Variants in CHPT1 observed in about 807,000 individuals in gnomAD.
The protein encoded by CHPT1 is choline phosphotransferase 1.
A neutral mutation model predicts 47.6 loss-of-function variants in CHPT1; 36 were observed. The observed-to-expected ratio is 0.76, with a 90% CI of 0.58 to 1.00. The LOEUF (loss-of-function observed/expected upper bound fraction) is 1.00, where lower values mean the gene tolerates loss of function less well. Ranked by LOEUF, CHPT1 falls within the 50% of genes least tolerant of loss-of-function variation. CHPT1 has a pLI of 0.00. For missense variants in CHPT1, 458 were observed against 498.1 expected (o/e 0.92, Z 0.77); for synonymous variants, 194 against 186.3 (o/e 1.04, Z -0.33).
At chr12:101,717,250 T>C (rs1298178434) in intron 4 of CHPT1, 1 of 454,476 alleles carries the variant, frequency 2.2e-6, no homozygotes. Context: ...AAGATTCCCA[T>C]ATTAAGGAAT....
At chr12:101,700,318 CAT>C (rs72061029) in intron 1 of CHPT1, among the ~76,000 whole-genome samples, 27,193 of 116,110 alleles carry the variant, frequency 0.23, 4,307 homozygotes, top group African/African-American at 0.46. Flanking sequence ...GGATCAGCCT[CAT>C]GTGAAAAAAA....
intron 1 of CHPT1, among the ~76,000 whole-genome samples, chr12:101,702,316 G>C (rs141638658): frequency 6.6e-6 from 1 of 152,122 alleles, no homozygotes; most frequent in Non-Finnish European, 1.5e-5. Context: ...ATCCATGTCA[G>C]TGTCTTTATT....
Position 101,728,888 on chromosome 12 carries a change from T to G in CHPT1, c.1177-13T>G. ...CTTCTTAGCTAACGTTATAATTGTA[T>G]CATATTACTTAGGTTCAAGTTCTTT... is the stretch of plus-strand genomic sequence containing the variant. On this transcript the variant is annotated splice_polypyrimidine_tract_variant and intron_variant, in intron 8 of 8. Coordinates refer to ENST00000229266, the MANE Select transcript of CHPT1 (RefSeq NM_020244.3). 1 of 1,612,710 alleles carries G rather than the reference T, an allele frequency of 6.2e-7. No homozygotes were observed.
rs768456280 is a variant in CHPT1, at chr12:101,723,820, C to A, written c.1038C>A (p.Asp346Glu). Residue 346 changes from aspartate to glutamate, a missense_variant, in exon 7 of 9, where the codon GAC (aspartate) becomes GAA (glutamate). Physicochemically the swap from Asp to Glu is conservative, Grantham distance 45. Coordinates refer to ENST00000229266, the MANE Select transcript of CHPT1 (RefSeq NM_020244.3). ...ACCAGTACTTTAATAACTTTATAGA[C>A]GAATATGTTGTTCTATGGATGGCAA... ...FLDQYFNNFI[D>E]EYVVLWMAMV... 1 of 1,524,166 alleles carries A rather than the reference C, an allele frequency of 6.6e-7. No homozygotes were observed. Among genetic ancestry groups the A allele is most frequent in the South Asian group, 1.2e-5 (1 of 86,444 alleles). The allele number at this position is 1,524,166 out of a possible 1,614,324, so 94.4% of individuals were successfully genotyped here.
At chr12:101,714,879 A>G in intron 3 of CHPT1, 1 of 348,080 alleles carries the variant, frequency 2.9e-6, no homozygotes, top group East Asian at 5.2e-5. Context: ...CAACTTAATC[A>G]TTAGCCCAAG....
At chr12:101,705,177 C>G (rs185398458) in intron 1 of CHPT1, among the ~76,000 whole-genome samples, 2 of 136,320 alleles carry the variant, frequency 1.5e-5, no homozygotes, top group African/African-American at 6.8e-5. Flanking sequence ...GATCCTCCCC[C>G]CTCAGCCTCC....
chr12:101,702,288 C>T (rs959654893), intron 1 of CHPT1, among the ~76,000 whole-genome samples: 1 of 152,116 alleles, frequency 6.6e-6, no homozygotes, highest in African/African-American at 2.4e-5. Context: ...GCCCTGTCTT[C>T]GTGATCTGTG....
intron 4 of CHPT1, among the ~76,000 whole-genome samples, chr12:101,717,570 A>C (rs1782191886): frequency 6.6e-6 from 1 of 151,948 alleles, no homozygotes; most frequent in African/African-American, 2.4e-5. Context: ...TAAAATAGAT[A>C]TTATTAGTAT....
chr12:101,719,889 C>A (rs1951822058), intron 4 of CHPT1: 1 of 234,834 alleles, frequency 4.3e-6, no homozygotes, highest in Non-Finnish European at 8.1e-6. Flanking sequence ...TCTCTTTTCC[C>A]CCCTCACTAC....
At chr12:101,712,013 A>G (rs1028108830) in intron 1 of CHPT1, among the ~76,000 whole-genome samples, 2 of 148,448 alleles carry the variant, frequency 1.3e-5, no homozygotes, top group African/African-American at 4.9e-5. Context: ...CTGGAACTGA[A>G]TATGATATTT....
At chr12:101,716,879 T>C (rs762720913) in intron 4 of CHPT1, 67 bp downstream of exon 4, 5 of 962,452 alleles carry the variant, frequency 5.2e-6, no homozygotes, top group Non-Finnish European at 7.5e-6. Context: ...TATTGCATTG[T>C]TAATTTTCTT....
At chr12:101,698,805 A>T (rs1044843370) in intron 1 of CHPT1, among the ~76,000 whole-genome samples, 1 of 152,184 alleles carries the variant, frequency 6.6e-6, no homozygotes, top group Non-Finnish European at 1.5e-5. Context: ...CAAAATAAGG[A>T]GTAAATATAG....
Position 101,720,143 on chromosome 12 carries a change from A to G in CHPT1, c.669A>G (p.Lys223=), listed in dbSNP as rs1405289077. The G allele has an allele frequency of 1.3e-6, 2 of 1,592,360 alleles. No homozygotes were observed. Among genetic ancestry groups the G allele is most frequent in the Admixed American group, 1.8e-5 (1 of 55,808 alleles). The change falls in exon 5 of 9, where the codon AAA becomes AAG. Residue 223 remains lysine, a synonymous_variant. Transcript: ENST00000229266. ...TAAAGATTCCTATTCTAGAAATAAA[A>G]TTGAAGATCCTTCCAGTTCTTGGAT... ...WDYTIPILEI[K]LKILPVLGFL...
At position 101,714,493 on chromosome 12, in the gene CHPT1, GTTTC is replaced by G; in HGVS notation, c.422-6_422-3del. On this transcript the variant is annotated splice_region_variant and splice_polypyrimidine_tract_variant and intron_variant, in intron 2 of 8. Coordinates refer to ENST00000229266, the MANE Select transcript of CHPT1 (RefSeq NM_020244.3). ...TAATTCTTAATGATTCTTAAACTTT[GTTTC>G]TTTCAGTATTTATGGCAGTGGGAGC... 6.3e-7 allele frequency: 1 copy of G among 1,587,094 alleles called. No individual in the cohort carries two copies.
chr12:101,703,170 TG>T (rs1341781838), intron 1 of CHPT1, among the ~76,000 whole-genome samples: 4 of 152,194 alleles, frequency 2.6e-5, no homozygotes, highest in African/African-American at 9.7e-5. Context: ...CCAGACCACT[TG>T]GGTTTTGCGA....
intron 1 of CHPT1, 55 bp downstream of exon 1, chr12:101,698,189 T>G (rs1566033371): frequency 7.3e-7 from 1 of 1,373,594 alleles, no homozygotes; most frequent in Admixed American, 3.3e-5. Flanking sequence ...GGCGGGTCGC[T>G]GGAGGCGCCG....
At position 101,723,198 on chromosome 12, in the gene CHPT1, A is replaced by G; in HGVS notation, c.811A>G (p.Ile271Val). The G allele has an allele frequency of 6.2e-7, 1 of 1,612,886 alleles. No individual in the cohort carries two copies. Among genetic ancestry groups the G allele is most frequent in the Non-Finnish European group, 8.5e-7 (1 of 1,179,174 alleles). ...CAGTGTCTTGTCACCTGGACTCCAC[A>G]TAGGACTAATTATTATACTGGCAAT... ...GTSVLSPGLH[I>V]GLIIILAIMI... is the part of the protein sequence containing the mutation. Residue 271 changes from isoleucine (I) to valine (V), a missense_variant, in exon 6 of 9, where the codon ATA becomes GTA. Ile to Val is a conservative substitution (Grantham distance 29, BLOSUM62 3). Transcript: ENST00000229266.
At chr12:101,728,862 G>A (rs1228686949) in intron 8 of CHPT1, 39 bp from the exon 9 acceptor site, 2 of 1,605,250 alleles carry the variant, frequency 1.2e-6, no homozygotes, top group Admixed American at 3.3e-5. Flanking sequence ...CTTACAATAT[G>A]CTTCTTAGCT....
At chr12:101,714,483 C>T (rs1951736235) in intron 2 of CHPT1, 21 bp from the exon 3 acceptor site, 1 of 1,581,438 alleles carries the variant, frequency 6.3e-7, no homozygotes, top group Non-Finnish European at 8.6e-7. Context: ...CTTAATGATT[C>T]TTAAACTTTG....
Sources: allele counts gnomAD v4.1 joint callset (sites outside exome capture counted in the v4.1 genomes callset), GRCh38; gene constraint gnomAD v4.1.1; transcripts MANE v1.5; gene names NCBI Gene and HGNC (gene_info 2026-07-23, HGNC 2026-07-21).